Variants in RGS8 observed in about 807,000 individuals in gnomAD.
RGS8 encodes regulator of G protein signaling 8.
In RGS8, 8 loss-of-function variants were observed where a neutral mutation model predicts 21.7. The ratio of observed to expected loss-of-function variants is 0.37; its 90% CI spans 0.22 to 0.66. The LOEUF is 0.66. Ranked by LOEUF, RGS8 falls within the 30% of genes least tolerant of loss-of-function variation. The pLI is 0.59. For synonymous variants in RGS8, 80 were observed against 83.6 expected (o/e 0.96, Z 0.24); for missense variants, 157 against 217.9 (o/e 0.72, Z 1.76).
chr1:182,745,263 C>T, the RGS8 span, among the ~76,000 whole-genome samples: 3 of 152,000 alleles, frequency 2.0e-5, no homozygotes, highest in African/African-American at 7.3e-5. Context: ...TTCCCTTTGC[C>T]CTAGAAACAG....
the RGS8 span, among the ~76,000 whole-genome samples, chr1:182,743,639 T>A: frequency 6.6e-6 from 1 of 152,226 alleles, no homozygotes; most frequent in Non-Finnish European, 1.5e-5. Context: ...AAAATATTCC[T>A]GTCTCAGGGT....
chr1:182,671,324 C>G (rs1170332472), intron 2 of RGS8, among the ~76,000 whole-genome samples: 7 of 152,190 alleles, frequency 4.6e-5, no homozygotes, highest in African/African-American at 1.2e-4. Context: ...CCATTTGGCC[C>G]TGGACTTCTG....
the RGS8 span, among the ~76,000 whole-genome samples, chr1:182,741,471 G>A: frequency 1.0e-5 from 1 of 98,566 alleles, no homozygotes; most frequent in African/African-American, 4.0e-5. Context: ...CCTCACTTCC[G>A]GGACCGGGCG....
At chr1:182,678,940 C>A (rs1163510610) in intron 1 of RGS8, among the ~76,000 whole-genome samples, 1 of 152,120 alleles carries the variant, frequency 6.6e-6, no homozygotes, top group Non-Finnish European at 1.5e-5. Context: ...GACCTCTTTT[C>A]ACTTACTAAC....
At chr1:182,666,655 GAAA>G (rs79757491) in intron 4 of RGS8, among the ~76,000 whole-genome samples, 1 of 119,772 alleles carries the variant, frequency 8.3e-6, no homozygotes, top group African/African-American at 3.0e-5. Flanking sequence ...GCTTACTTAG[GAAA>G]AAAAAAAAAA....
upstream of RGS8, among the ~76,000 whole-genome samples, chr1:182,677,558 G>T (rs1286803847): frequency 6.6e-6 from 1 of 152,156 alleles, no homozygotes; most frequent in Admixed American, 6.5e-5. Context: ...CCTGCTCAGC[G>T]AGGTGAGACA....
At chr1:182,707,083 G>A in the RGS8 span, among the ~76,000 whole-genome samples, 1 of 151,952 alleles carries the variant, frequency 6.6e-6, no homozygotes, top group African/African-American at 2.4e-5. Flanking sequence ...AGCTTGAACC[G>A]GGAGGTGGAG....
chr1:182,652,457 C>T (rs1442626234), intron 5 of RGS8, among the ~76,000 whole-genome samples: 3 of 152,238 alleles, frequency 2.0e-5, no homozygotes, highest in African/African-American at 7.2e-5. Context: ...CTTTACTTCT[C>T]ATCTTACAGA....
the RGS8 span, among the ~76,000 whole-genome samples, chr1:182,742,195 G>A: frequency 2.0e-5 from 3 of 150,618 alleles, no homozygotes; most frequent in Non-Finnish European, 4.4e-5. Flanking sequence ...GCCGGGAAGA[G>A]GCGCTCCTCA....
At chr1:182,721,050 CATAT>C in the RGS8 span, among the ~76,000 whole-genome samples, 397 of 80,132 alleles carry the variant, frequency 5.0e-3, 6 homozygotes, top group African/African-American at 0.02. Flanking sequence ...CATATACATA[CATAT>C]ATATGTGTGT....
chr1:182,659,471 C>T (rs1021446273), intron 5 of RGS8, among the ~76,000 whole-genome samples: 1 of 152,170 alleles, frequency 6.6e-6, no homozygotes, highest in Non-Finnish European at 1.5e-5. Flanking sequence ...GAGACTGAAG[C>T]GGGCAGATCA....
At chr1:182,662,329 C>T (rs953176820) in intron 5 of RGS8, among the ~76,000 whole-genome samples, 2 of 152,126 alleles carry the variant, frequency 1.3e-5, no homozygotes. Flanking sequence ...GTCAAACTAC[C>T]TGCCAAAGGT....
the RGS8 span, among the ~76,000 whole-genome samples, chr1:182,718,385 A>G: frequency 6.6e-6 from 1 of 152,206 alleles, no homozygotes; most frequent in Non-Finnish European, 1.5e-5. Context: ...AATCCCAAAG[A>G]TGTTGTCAAA....
intron 5 of RGS8, among the ~76,000 whole-genome samples, chr1:182,651,720 G>A (rs972389095): frequency 1.3e-5 from 2 of 152,170 alleles, no homozygotes; most frequent in East Asian, 1.9e-4. Flanking sequence ...GAGGGAACTC[G>A]GATTAGACAG....
At chr1:182,712,872 C>T in the RGS8 span, 4 of 152,176 alleles carry the variant, frequency 2.6e-5, no homozygotes, top group Admixed American at 2.6e-4. Context: ...CCTCAAAGGA[C>T]TCATGGTGAC....
At chr1:182,693,933 A>G in the RGS8 span, among the ~76,000 whole-genome samples, 7 of 152,188 alleles carry the variant, frequency 4.6e-5, no homozygotes, top group South Asian at 8.3e-4. Flanking sequence ...GTACACATGG[A>G]CATAAAGAGA....
At chr1:182,746,238 C>CA in the RGS8 span, among the ~76,000 whole-genome samples, 1 of 152,128 alleles carries the variant, frequency 6.6e-6, no homozygotes, top group Non-Finnish European at 1.5e-5. Context: ...TACAAATCTG[C>CA]AAAATAGGCA....
the RGS8 span, among the ~76,000 whole-genome samples, chr1:182,720,839 A>C: frequency 6.7e-6 from 1 of 150,190 alleles, no homozygotes; most frequent in African/African-American, 2.4e-5. Flanking sequence ...ATACATATAT[A>C]TCTGTGTGTA....
At chr1:182,705,983 C>T in the RGS8 span, among the ~76,000 whole-genome samples, 2 of 151,762 alleles carry the variant, frequency 1.3e-5, no homozygotes, top group African/African-American at 4.8e-5. Flanking sequence ...CTTTTTTTTT[C>T]TTTATTTTTT....
Sources: gnomAD v4.1 joint callset for allele counts (sites outside exome capture counted in the v4.1 genomes callset) on GRCh38, gnomAD v4.1.1 for gene constraint, MANE v1.5 for transcripts, NCBI Gene and HGNC (gene_info 2026-07-23, HGNC 2026-07-21) for gene names.